ZNF266: variants seen among roughly 807,000 people sequenced by gnomAD.
ZNF266 encodes zinc finger protein 1.
A neutral mutation model predicts 16.4 loss-of-function variants in ZNF266; 16 were observed. The observed-to-expected ratio is 0.98, with a 90% CI of 0.66 to 1.48. ZNF266 has a LOEUF of 1.48. Ranked by LOEUF, ZNF266 falls within the 40% of genes most tolerant of loss-of-function variation. The pLI is 0.00. For synonymous variants in ZNF266, 262 were observed against 237.9 expected (o/e 1.10, Z -0.93); for missense variants, 738 against 689.1 (o/e 1.07, Z -0.79).
At chr19:9,424,016 G>A (rs1394786426) in intron 5 of ZNF266, among the ~76,000 whole-genome samples, 1 of 151,886 alleles carries the variant, frequency 6.6e-6, no homozygotes, top group Non-Finnish European at 1.5e-5. Context: ...CAAAAAAATA[G>A]AATTGATGGG....
At chr19:9,415,898 A>G (rs2068906729) in intron 9 of ZNF266, among the ~76,000 whole-genome samples, 156 bp from the exon 10 acceptor site, 1 of 152,156 alleles carries the variant, frequency 6.6e-6, no homozygotes, top group Non-Finnish European at 1.5e-5. Flanking sequence ...GTCTCAGCTC[A>G]CTGCAACCTC....
intron 10 of ZNF266, among the ~76,000 whole-genome samples, 177 bp from the exon 11 acceptor site, chr19:9,414,897 G>C (rs1047242451): frequency 1.3e-5 from 2 of 152,172 alleles, no homozygotes; most frequent in African/African-American, 4.8e-5. Flanking sequence ...ACTCCTGCCA[G>C]GCTGTGCCAT....
chr19:9,426,066 G>A (rs1222341785), intron 5 of ZNF266, among the ~76,000 whole-genome samples: 1 of 152,100 alleles, frequency 6.6e-6, no homozygotes, highest in Admixed American at 6.6e-5. Context: ...GGAGATGACG[G>A]CACCTCGCTG....
chr19:9,418,483 C>T, intron 8 of ZNF266, 22 bp downstream of exon 8: 1 of 1,613,634 alleles, frequency 6.2e-7, no homozygotes, highest in South Asian at 1.1e-5. Context: ...TAGTAGGCTA[C>T]AAGGGATGAG....
At chr19:9,414,763 T>A (rs377176217) in intron 10 of ZNF266, 43 bp from the exon 11 acceptor site, 2 of 1,504,242 alleles carry the variant, frequency 1.3e-6, no homozygotes, top group Non-Finnish European at 1.8e-6. Flanking sequence ...ACGGTTCAGA[T>A]TGATTAACAG....
chr19:9,414,378 G>T lies in ZNF266; in HGVS notation c.748C>A (p.Leu250Ile). ...CTCCCACATTCCTTCCATTCATGGAGACTTTCTCCATTGTGAGTTCTTAAA... is the reference window on the plus strand; with the variant it reads ...CTCCCACATTCCTTCCATTCATGGATACTTTCTCCATTGTGAGTTCTTAAA... ...GHLRTHNGES[L>I]HEWKECGRGF... Residue 250 changes from leucine to isoleucine, a missense_variant, in exon 11 of 11, where the codon CTC becomes ATC. Coordinates refer to ENST00000592904, the MANE Select transcript of ZNF266 (RefSeq NM_001370374.1). 5 of 1,614,188 alleles carry T rather than the reference G, an allele frequency of 3.1e-6. No homozygotes were observed. The South Asian group carries it at 5.5e-5, about 18-fold the overall frequency.
chr19:9,414,671 T>G lies in ZNF266; in HGVS notation c.455A>C (p.Asp152Ala). 1 of 1,595,480 alleles carries G rather than the reference T, an allele frequency of 6.3e-7. No homozygotes were observed. Among genetic ancestry groups the G allele is most frequent in the Non-Finnish European group, 8.6e-7 (1 of 1,165,050 alleles). Residue 152 changes from aspartate to alanine, a missense_variant, in exon 11 of 11, where the codon GAT becomes GCT. Transcript: ENST00000592904. ...GEVSDVKQCG[D>A]VSSEHSCLKT... is the part of the protein sequence containing the mutation. ...AAGGCATGAGTGTTCACTGGAGACA[T>G]CTCCACATTGCTTAACATCACTGAC... is the stretch of plus-strand genomic sequence containing the variant.
At chr19:9,434,537 A>G (rs2072155424) in intron 3 of ZNF266, among the ~76,000 whole-genome samples, 1 of 152,232 alleles carries the variant, frequency 6.6e-6, no homozygotes, top group South Asian at 2.1e-4. Context: ...AAAAGACAAT[A>G]TAACGGATAA....
chr19:9,422,689 G>A (rs1240953976), intron 5 of ZNF266, among the ~76,000 whole-genome samples: 1 of 152,144 alleles, frequency 6.6e-6, no homozygotes, highest in Non-Finnish European at 1.5e-5. Flanking sequence ...ACTAGCTCTA[G>A]TACCCGCTAA....
intron 5 of ZNF266, among the ~76,000 whole-genome samples, chr19:9,432,469 C>A (rs1247844770): frequency 6.6e-6 from 1 of 152,042 alleles, no homozygotes; most frequent in Non-Finnish European, 1.5e-5. Flanking sequence ...CCCCTAAGTG[C>A]CAAACAGAGA....
chr19:9,433,946 G>A (rs2072045001), intron 4 of ZNF266, 129 bp downstream of exon 4: 1 of 152,142 alleles, frequency 6.6e-6, no homozygotes, highest in Non-Finnish European at 1.5e-5. Flanking sequence ...CCACTGCACT[G>A]GAGCCTGGCA....
At chr19:9,421,763 T>C (rs1031478688) in intron 5 of ZNF266, among the ~76,000 whole-genome samples, 4 of 152,274 alleles carry the variant, frequency 2.6e-5, no homozygotes, top group Non-Finnish European at 5.9e-5. Context: ...GTATCTGTAA[T>C]GTATACTCCT....
intron 5 of ZNF266, among the ~76,000 whole-genome samples, chr19:9,433,408 G>C (rs1167892304): frequency 6.6e-6 from 1 of 152,030 alleles, no homozygotes; most frequent in Non-Finnish European, 1.5e-5. Flanking sequence ...TCAGGGAAAC[G>C]AAGGACTAAT....
At chr19:9,422,160 CTTTT>C (rs56091445) in intron 5 of ZNF266, among the ~76,000 whole-genome samples, 92,226 of 151,636 alleles carry the variant, frequency 0.61, 28,646 homozygotes, top group African/African-American at 0.73. Context: ...ACAACAAAAC[CTTTT>C]TTTTATCATA....
chr19:9,416,452 C>T (rs1193015039), intron 9 of ZNF266, among the ~76,000 whole-genome samples: 4 of 151,044 alleles, frequency 2.6e-5, no homozygotes, highest in Middle Eastern at 3.5e-3. Context: ...CAACTTCCGC[C>T]TCCCAAGTTC....
At chr19:9,432,791 A>AATT (rs111275732) in intron 5 of ZNF266, among the ~76,000 whole-genome samples, 1 of 151,444 alleles carries the variant, frequency 6.6e-6, no homozygotes, top group African/African-American at 2.4e-5. Flanking sequence ...TGGTGGGTTA[A>AATT]AACAAATAAA....
chr19:9,433,871 G>A (rs532150462), intron 4 of ZNF266, 85 bp from the exon 5 acceptor site: 3 of 152,276 alleles, frequency 2.0e-5, no homozygotes, highest in South Asian at 2.1e-4. Context: ...GGGTGGCTGA[G>A]GCAGGAGGAT....
At chr19:9,433,223 T>C (rs2071902773) in intron 5 of ZNF266, among the ~76,000 whole-genome samples, 1 of 152,210 alleles carries the variant, frequency 6.6e-6, no homozygotes, top group Non-Finnish European at 1.5e-5. Flanking sequence ...TTAACAGACA[T>C]TATTCTAAGA....
In ZNF266 at chr19:9,413,293, A is replaced by T; in HGVS notation, c.1833T>A (p.Asp611Glu). 1 of 1,593,782 alleles carries T rather than the reference A, an allele frequency of 6.3e-7. No homozygotes were observed. Among genetic ancestry groups the T allele is most frequent in the Non-Finnish European group, 8.6e-7 (1 of 1,169,436 alleles). Residue 611 changes from aspartate to glutamate, a missense_variant, in exon 11 of 11, where the codon GAT becomes GAA. Coordinates refer to ENST00000592904, the MANE Select transcript of ZNF266 (RefSeq NM_001370374.1). ...SFRNHERRHA[D>E]ERLSA ...ACATTCCTTATGCTGACAGTCTCTC[A>T]TCCGCATGCCTTCTTTCATGATTTC...
Sources: allele counts gnomAD v4.1 joint callset (sites outside exome capture counted in the v4.1 genomes callset), GRCh38; gene constraint gnomAD v4.1.1; transcripts MANE v1.5; gene names NCBI Gene and HGNC (gene_info 2026-07-23, HGNC 2026-07-21).